The following FMO5 variants were observed in gnomAD, a reference collection of about 807,000 sequenced individuals.
FMO5 encodes flavin containing dimethylaniline monoxygenase 5, also known as flavin-containing monooxygenase 5.
A neutral mutation model predicts 43.6 loss-of-function variants in FMO5; 51 were observed. The ratio of observed to expected loss-of-function variants is 1.17; its 90% CI spans 0.93 to 1.48. FMO5 has a LOEUF of 1.48. FMO5 is among the 40% of genes most tolerant of loss of function. FMO5 has a pLI of 0.00. For synonymous variants in FMO5, 187 were observed against 216.5 expected (o/e 0.86, Z 1.20); for missense variants, 644 against 643.0 (o/e 1.00, Z -0.02).
chr1:147,186,787 GAC>G lies in FMO5; in HGVS notation c.*111_*112del. The G allele has an allele frequency of 6.7e-7, 1 of 1,491,946 alleles. No homozygotes were observed. The highest frequency in any genetic ancestry group is 8.9e-7 in the Non-Finnish European group (1 of 1,127,554). The allele number at this position is 1,491,946 out of a possible 1,614,324, so 92.4% of individuals were successfully genotyped here. On this transcript the variant is annotated 3_prime_UTR_variant, in exon 9 of 9. Transcript: ENST00000254090. ...AAAGTGAATTAATGCTTTCGAAAGA[GAC>G]ATTAAAGTAGATTTCTGGGCAATAT...
chr1:147,200,369 G>T (rs1222779864), intron 7 of FMO5, among the ~76,000 whole-genome samples: 1 of 151,958 alleles, frequency 6.6e-6, no homozygotes, highest in Non-Finnish European at 1.5e-5. Context: ...TTTTTCAGTT[G>T]TACTTCAGAT....
At chr1:147,197,559 CTGAG>C (rs1658225394) in intron 7 of FMO5, among the ~76,000 whole-genome samples, 1 of 152,054 alleles carries the variant, frequency 6.6e-6, no homozygotes, top group Non-Finnish European at 1.5e-5. Context: ...TCTCATGATA[CTGAG>C]TGAGTTCTCA....
chr1:147,191,066 C>G (rs1251834837), intron 7 of FMO5, among the ~76,000 whole-genome samples: 1 of 152,140 alleles, frequency 6.6e-6, no homozygotes, highest in Non-Finnish European at 1.5e-5. Flanking sequence ...GCCACATTTT[C>G]TTAATCCAGT....
At chr1:147,214,992 A>G (rs1203088439) in intron 3 of FMO5, 1 of 152,174 alleles carries the variant, frequency 6.6e-6, no homozygotes, top group African/African-American at 2.4e-5. Context: ...AGAAAAAGGC[A>G]TGACTTAGCA....
Position 147,224,879 on chromosome 1 carries a change from T to A in FMO5, c.135+16A>T. On this transcript the variant is annotated intron_variant, in intron 2 of 8. Transcript: ENST00000254090. ...GGGAGGGTTTCAAGTATTAAGGGAC[T>A]AGGAGATGTATGTACCTGGAACCTC... 1 of 1,612,570 alleles carries A rather than the reference T, an allele frequency of 6.2e-7. No individual in the cohort carries two copies.
In FMO5 at chr1:147,208,885, T is replaced by G; in HGVS notation, c.797A>C (p.Asp266Ala). Reference sequence around the variant, plus strand: ...AGGCTTCAGGCCAAACATTTCATGGTCAAACCTTTGGTTTATCTTTTTTTC... The same window carrying G: ...AGGCTTCAGGCCAAACATTTCATGGGCAAACCTTTGGTTTATCTTTTTTTC... The part of the protein sequence containing the change: ...YLEKKINQRF[D>A]HEMFGLKPKH... The change falls in exon 6 of 9, where the codon GAC becomes GCC. Residue 266 changes from aspartate (D) to alanine (A), a missense_variant. Coordinates refer to ENST00000254090, the MANE Select transcript of FMO5 (RefSeq NM_001461.4). The G allele has an allele frequency of 6.2e-7, 1 of 1,614,148 alleles. No individual in the cohort carries two copies. The highest frequency in any genetic ancestry group is 8.5e-7 in the Non-Finnish European group (1 of 1,179,978).
At chr1:147,221,456 A>T (rs962656641) in intron 2 of FMO5, among the ~76,000 whole-genome samples, 1 of 152,240 alleles carries the variant, frequency 6.6e-6, no homozygotes, top group Non-Finnish European at 1.5e-5. Flanking sequence ...ACATGTTTGT[A>T]CATAAGTGTA....
intron 6 of FMO5, chr1:147,208,444 C>CTTTTCTTT (rs1660486659): frequency 6.9e-6 from 1 of 145,584 alleles, no homozygotes; most frequent in African/African-American, 2.5e-5. Flanking sequence ...CTTTTCTTTT[C>CTTTTCTTT]TTTTTTTTTT....
chr1:147,210,545 CCACAGT>C (rs1660915651), intron 5 of FMO5: 1 of 152,116 alleles, frequency 6.6e-6, no homozygotes, highest in Non-Finnish European at 1.5e-5. Flanking sequence ...TTATGTACTT[CCACAGT>C]CACAGTTGAA....
chr1:147,207,385 A>AT (rs1289979266), intron 6 of FMO5, among the ~76,000 whole-genome samples: 2 of 152,144 alleles, frequency 1.3e-5, no homozygotes, highest in African/African-American at 4.8e-5. Flanking sequence ...AGATCTGAAC[A>AT]TTTTCAAAAA....
At chr1:147,195,621 C>A (rs587607009) in intron 7 of FMO5, among the ~76,000 whole-genome samples, 18 of 152,202 alleles carry the variant, frequency 1.2e-4, no homozygotes, top group African/African-American at 4.1e-4. Flanking sequence ...AAGGACAGGG[C>A]TAGACTAAGG....
chr1:147,225,210 C>G, intron 1 of FMO5, 77 bp downstream of exon 1: 2 of 1,429,932 alleles, frequency 1.4e-6, no homozygotes, highest in South Asian at 1.5e-5. Context: ...CAGAGGAAAT[C>G]TTTCTGCTGG....
intron 1 of FMO5, 95 bp from the exon 2 acceptor site, chr1:147,225,161 A>T: frequency 7.2e-6 from 11 of 1,522,620 alleles, no homozygotes; most frequent in Non-Finnish European, 9.6e-6. Flanking sequence ...TCTGTACAAG[A>T]GGTGTCTTGA....
intron 2 of FMO5, among the ~76,000 whole-genome samples, chr1:147,219,114 T>C (rs1316062114): frequency 6.6e-6 from 1 of 152,150 alleles, no homozygotes; most frequent in Non-Finnish European, 1.5e-5. Flanking sequence ...ATTATGGAAA[T>C]TGAATTTGGA....
chr1:147,209,085 C>T, intron 5 of FMO5, 34 bp from the exon 6 acceptor site: 2 of 1,585,288 alleles, frequency 1.3e-6, no homozygotes, highest in East Asian at 2.2e-5. Flanking sequence ...GCTTTTGTCA[C>T]TCAGATTCGT....
At chr1:147,209,275 A>G (rs1660671410) in intron 5 of FMO5, among the ~76,000 whole-genome samples, 1 of 151,942 alleles carries the variant, frequency 6.6e-6, no homozygotes, top group African/African-American at 2.4e-5. Context: ...CGTCTCTACT[A>G]AAAATACAAA....
At position 147,187,082 on chromosome 1, in the gene FMO5, G is replaced by A. The variant is rs377635959; in HGVS notation, c.1420C>T (p.Arg474Cys). 24 of 1,613,958 alleles carry A rather than the reference G, an allele frequency of 1.5e-5. No individual in the cohort carries two copies. Among genetic ancestry groups the A allele is most frequent in the Admixed American group, 3.3e-5 (2 of 59,990 alleles). Residue 474 changes from arginine (R) to cysteine (C), a missense_variant, in exon 9 of 9, where the codon CGT becomes TGT. Transcript: ENST00000254090. ...TCCCACTTTCCAGGGCCCTGTACACGATAGTGGATTGGAGTGCAGGGTCCC... is the reference window on the plus strand; with the variant it reads ...TCCCACTTTCCAGGGCCCTGTACACAATAGTGGATTGGAGTGCAGGGTCCC... ...LLGPCTPIHY[R>C]VQGPGKWDGA... is the part of the protein sequence containing the mutation.
intron 6 of FMO5, chr1:147,203,706 G>A: frequency 6.6e-7 from 1 of 1,505,020 alleles, no homozygotes; most frequent in South Asian, 1.1e-5. Context: ...CCACCTCTGG[G>A]TACAAGACGT....
At chr1:147,193,013 G>C (rs1274559109) in intron 7 of FMO5, among the ~76,000 whole-genome samples, 5 of 152,140 alleles carry the variant, frequency 3.3e-5, no homozygotes, top group African/African-American at 4.8e-5. Context: ...TCAGGATGAT[G>C]CTGGCCTCAT....
Sources: allele counts gnomAD v4.1 joint callset (sites outside exome capture counted in the v4.1 genomes callset), GRCh38; gene constraint gnomAD v4.1.1; transcripts MANE v1.5; gene names NCBI Gene and HGNC (gene_info 2026-07-23, HGNC 2026-07-21).